Variants in PCDH7 observed in about 807,000 individuals in gnomAD.
PCDH7 encodes the protein protocadherin-7.
A neutral mutation model predicts 58.9 loss-of-function variants in PCDH7; 17 were observed. That is an observed-to-expected ratio of 0.29 (90% confidence interval 0.20 to 0.43). The LOEUF (loss-of-function observed/expected upper bound fraction) is 0.43, where lower values mean the gene tolerates loss of function less well. Ranked by LOEUF, PCDH7 falls within the 20% of genes least tolerant of loss-of-function variation. The pLI, the probability that PCDH7 is intolerant of heterozygous loss-of-function variation, is 1.00. For synonymous variants in PCDH7, 664 were observed against 616.4 expected (o/e 1.08, Z -1.14); for missense variants, 1,274 against 1,441.0 (o/e 0.88, Z 1.88).
intron 1 of PCDH7, among the ~76,000 whole-genome samples, chr4:30,890,894 T>C (rs1029338477): frequency 2.0e-5 from 3 of 152,172 alleles, no homozygotes; most frequent in Non-Finnish European, 4.4e-5. Flanking sequence ...TCCTTTTAAG[T>C]TATTGTAGCA....
chr4:30,808,324 T>C (rs1325207486), intron 1 of PCDH7, among the ~76,000 whole-genome samples: 2 of 152,208 alleles, frequency 1.3e-5, no homozygotes, highest in African/African-American at 4.8e-5. Context: ...AACTATTTTT[T>C]AGCTTCTTTA....
At chr4:30,766,648 C>T (rs1019886630) in intron 1 of PCDH7, among the ~76,000 whole-genome samples, 1 of 148,912 alleles carries the variant, frequency 6.7e-6, no homozygotes, top group Non-Finnish European at 1.5e-5. Flanking sequence ...AAATCTCAAA[C>T]ATATATATAT....
At chr4:30,802,653 C>G (rs1461920374) in intron 1 of PCDH7, among the ~76,000 whole-genome samples, 1 of 151,970 alleles carries the variant, frequency 6.6e-6, no homozygotes. Context: ...GGGTTCACAA[C>G]TGATAGGCTC....
intron 3 of PCDH7, 52 bp from the exon 3 acceptor site, chr4:31,142,421 G>A (rs1244552430): frequency 7.7e-7 from 1 of 1,302,772 alleles, no homozygotes; most frequent in Non-Finnish European, 1.0e-6. Flanking sequence ...TAGATCAGGG[G>A]AGCCTGTTGA....
chr4:30,880,969 G>T (rs1736889612), intron 1 of PCDH7, among the ~76,000 whole-genome samples: 1 of 152,098 alleles, frequency 6.6e-6, no homozygotes, highest in Non-Finnish European at 1.5e-5. Flanking sequence ...TTCACTGTTT[G>T]TCTTCTCCAG....
intron 1 of PCDH7, among the ~76,000 whole-genome samples, chr4:30,894,989 A>T (rs963591283): frequency 4.0e-5 from 6 of 151,840 alleles, no homozygotes; most frequent in East Asian, 1.9e-4. Context: ...TTATTATGTT[A>T]TTTTTATCAT....
chr4:30,730,590 A>G (rs1715338732), intron 1 of PCDH7, among the ~76,000 whole-genome samples: 1 of 151,794 alleles, frequency 6.6e-6, no homozygotes, highest in South Asian at 2.1e-4. Flanking sequence ...AACTTCCCCC[A>G]CCCCCCAAGT....
At chr4:31,039,822 T>C (rs552400758) in intron 3 of PCDH7, among the ~76,000 whole-genome samples, 5 of 152,190 alleles carry the variant, frequency 3.3e-5, no homozygotes, top group African/African-American at 9.7e-5. Context: ...GAGTAAATTA[T>C]AAGCAATAAT....
At chr4:30,853,274 C>A (rs552079832) in intron 1 of PCDH7, among the ~76,000 whole-genome samples, 1 of 152,210 alleles carries the variant, frequency 6.6e-6, no homozygotes, top group Non-Finnish European at 1.5e-5. Flanking sequence ...CTAAAATGTG[C>A]TACCAATCTC....
At position 31,064,063 on chromosome 4, in the gene PCDH7, G is replaced by A. The variant is rs377101684; in HGVS notation, c.*8-78410G>A. Among the ~76,000 whole-genome samples, 18 of 152,014 alleles carry A rather than the reference G, an allele frequency of 1.2e-4. No homozygotes were observed. In the South Asian group the frequency reaches 3.1e-3, roughly 26 times the overall value. On this transcript the variant is annotated intron_variant, in intron 3 of 3. Coordinates refer to the PCDH7 transcript ENST00000509759. ...TTTACAGTATATCAAAAATGAAAAA[G>A]CAGGTAAAAAGACCAAACATTATAT... is the stretch of plus-strand genomic sequence containing the variant.
chr4:30,909,159 T>G lies in PCDH7; in HGVS notation c.71-10994T>G, dbSNP rs192370924. Among the ~76,000 whole-genome samples, 41 of 152,224 alleles carry G rather than the reference T, an allele frequency of 2.7e-4. No homozygotes were observed. In the East Asian group the frequency reaches 7.7e-3, roughly 29 times the overall value. On this transcript the variant is annotated intron_variant, in intron 1 of 3. Coordinates refer to the PCDH7 transcript ENST00000509759. ...TTCATGCTAAAAACACTCAATAAAC[T>G]AGGTATTGATGGAACATATCTCAAA... is the stretch of plus-strand genomic sequence containing the variant.
intron 1 of PCDH7, among the ~76,000 whole-genome samples, chr4:30,880,083 G>C (rs1305631053): frequency 6.6e-6 from 1 of 152,046 alleles, no homozygotes; most frequent in African/African-American, 2.4e-5. Context: ...TTAATGGAAT[G>C]TCCTCTAGGT....
chr4:30,889,191 CTTCT>C (rs1452621084), intron 1 of PCDH7, among the ~76,000 whole-genome samples: 2 of 146,672 alleles, frequency 1.4e-5, no homozygotes, highest in Non-Finnish European at 3.0e-5. Flanking sequence ...CTTTAGAACT[CTTCT>C]TTAAGTTACC....
chr4:30,722,205 C>T lies in PCDH7; in HGVS notation c.783C>T (p.Ile261=), dbSNP rs933822497. 5 of 1,584,582 alleles carry T rather than the reference C, an allele frequency of 3.2e-6. No homozygotes were observed. In the African/African-American group the frequency reaches 4.0e-5, roughly 13 times the overall value. ...ACGGCGAGAAGCAGCCGCAGCTGATCGTGAAGGGGGCGCTGGACCGCGAGC... is the reference window on the plus strand; with the variant it reads ...ACGGCGAGAAGCAGCCGCAGCTGATTGTGAAGGGGGCGCTGGACCGCGAGC... The change falls in exon 1 of 2, where the codon ATC becomes ATT. Residue 261 remains isoleucine (I), a synonymous_variant. Coordinates refer to ENST00000361762, the Ensembl canonical transcript of PCDH7. This position sits in a 1 kb window ranked among gnomAD's most constrained non-coding sequence, Gnocchi z 7.6.
downstream of PCDH7, among the ~76,000 whole-genome samples, chr4:30,736,186 A>C (rs2109243037): frequency 6.6e-6 from 1 of 152,330 alleles, no homozygotes; most frequent in African/African-American, 2.4e-5. Flanking sequence ...AGAGGATAAC[A>C]AAGGCCTGTT....
chr4:30,803,864 T>C (rs1725844226), intron 1 of PCDH7, among the ~76,000 whole-genome samples: 1 of 152,226 alleles, frequency 6.6e-6, no homozygotes, highest in South Asian at 2.1e-4. Flanking sequence ...GTCCTGGAAT[T>C]GAAAGGGGAA....
chr4:31,128,794 C>A (rs978284456), intron 3 of PCDH7, among the ~76,000 whole-genome samples: 1 of 152,170 alleles, frequency 6.6e-6, no homozygotes, highest in Non-Finnish European at 1.5e-5. Flanking sequence ...TTATAAAACA[C>A]TTCCATGGGT....
chr4:30,805,847 C>G (rs1186130872), intron 1 of PCDH7, among the ~76,000 whole-genome samples: 1 of 152,200 alleles, frequency 6.6e-6, no homozygotes, highest in African/African-American at 2.4e-5. Context: ...CACTTCTATG[C>G]TTCTTACAAT....
At chr4:31,089,957 G>C (rs202101559) in intron 3 of PCDH7, among the ~76,000 whole-genome samples, 1 of 151,836 alleles carries the variant, frequency 6.6e-6, no homozygotes, top group Non-Finnish European at 1.5e-5. Context: ...AGAGTGGCTT[G>C]TCAGATGTAA....
Sources: allele counts gnomAD v4.1 joint callset (sites outside exome capture counted in the v4.1 genomes callset), GRCh38; gene constraint gnomAD v4.1.1; non-coding constraint Gnocchi (gnomAD v3.1); transcripts MANE v1.5; gene names NCBI Gene and HGNC (gene_info 2026-07-23, HGNC 2026-07-21).